Variants in NCOA4 observed in about 807,000 individuals in gnomAD.
NCOA4 encodes the protein nuclear receptor coactivator 4.
Under a neutral mutation model 69.5 loss-of-function variants are expected in NCOA4, and 31 were observed. That is an observed-to-expected ratio of 0.45 (90% CI 0.34 to 0.60). The LOEUF (loss-of-function observed/expected upper bound fraction) is 0.60, where lower values mean the gene tolerates loss of function less well. NCOA4 is among the 20% of genes least tolerant of loss of function. The pLI, the probability that NCOA4 is intolerant of heterozygous loss-of-function variation, is 0.02. For synonymous variants in NCOA4, 228 were observed against 252.4 expected (o/e 0.90, Z 0.92); for missense variants, 600 against 719.2 (o/e 0.83, Z 1.90).
At position 46,009,303 on chromosome 10, in the gene NCOA4, T is replaced by C. The variant is rs373314749; in HGVS notation, c.1839+108A>G. 17 of 1,478,734 alleles carry C rather than the reference T, an allele frequency of 1.1e-5. 1 individual carries two copies. The East Asian group carries it at 1.6e-4, about 14-fold the overall frequency. The allele number at this position is 1,478,734 out of a possible 1,614,324, so 91.6% of individuals were successfully genotyped here. A position where few individuals can be genotyped will look rare whatever the true frequency, so the allele number is the denominator to read the frequency against. ...CCTCACTTGCCTAATATACATACTA[T>C]TAAAAGGGATATGGTTCAGTGAGCC... On this transcript the variant is annotated intron_variant, in intron 9 of 9. Transcript: ENST00000581486.
intron 9 of NCOA4, among the ~76,000 whole-genome samples, chr10:46,007,162 A>G (rs1214241869): frequency 6.6e-6 from 1 of 152,226 alleles, no homozygotes; most frequent in African/African-American, 2.4e-5. Flanking sequence ...AAAAGCAAAC[A>G]GCCTTATTTC....
chr10:46,005,773 C>G lies in NCOA4; in HGVS notation c.*819G>C. On this transcript the variant is annotated 3_prime_UTR_variant, in exon 10 of 10. Coordinates refer to ENST00000581486, the MANE Select transcript of NCOA4 (RefSeq NM_001145263.2). ...ATTATCCCTATGATAGTGACTGTTTCAAGTACTATACTACATTTCCAACAT... is the reference window on the plus strand; with the variant it reads ...ATTATCCCTATGATAGTGACTGTTTGAAGTACTATACTACATTTCCAACAT... 4.7e-6 allele frequency: 1 copy of G among 213,202 alleles called. No individual in the cohort carries two copies. The highest frequency in any genetic ancestry group is 9.5e-6 in the Non-Finnish European group (1 of 105,164). The allele number at this position is 213,202 out of a possible 1,614,324, so 13.2% of individuals were successfully genotyped here.
In NCOA4 at chr10:46,009,669, C is replaced by G. The variant is rs1210534859; in HGVS notation, c.1699-118G>C. 1.3e-5 allele frequency: 12 copies of G among 957,420 alleles called. No individual in the cohort carries two copies. The Admixed American group carries it at 3.0e-4, about 24-fold the overall frequency. 59.3% of individuals were successfully genotyped at this position (957,420 alleles called of 1,614,324 possible). On this transcript the variant is annotated intron_variant, in intron 8 of 9. Transcript: ENST00000581486. The stretch of plus-strand genomic sequence containing the variant: ...AATGTTGGCCATTCTCTGTAACAAC[C>G]AAAAACAAAGGTGACAATTGTTATT...
intron 1 of NCOA4, among the ~76,000 whole-genome samples, chr10:46,022,091 T>C (rs141022146): frequency 5.2e-4 from 79 of 152,314 alleles, no homozygotes; most frequent in Non-Finnish European, 9.8e-4. Flanking sequence ...CCAGGCTTCA[T>C]TCGTCTGTAA....
At chr10:46,013,384 T>G (rs1477532557) in intron 6 of NCOA4, among the ~76,000 whole-genome samples, 166 bp downstream of exon 6, 1 of 152,212 alleles carries the variant, frequency 6.6e-6, no homozygotes, top group Admixed American at 6.5e-5. Flanking sequence ...GACATCTAAA[T>G]TTCTATTTGG....
At chr10:46,007,281 T>G (rs1838885796) in intron 9 of NCOA4, among the ~76,000 whole-genome samples, 1 of 152,200 alleles carries the variant, frequency 6.6e-6, no homozygotes, top group Non-Finnish European at 1.5e-5. Context: ...TTCAATTTTA[T>G]GAAGGCTGAG....
rs1838753069 is a variant in NCOA4, at chr10:46,005,356, T to C, written c.*1236A>G. 1 of 212,982 alleles carries C rather than the reference T, an allele frequency of 4.7e-6. No homozygotes were observed. The highest frequency in any genetic ancestry group is 2.3e-5 in the African/African-American group (1 of 44,202). The allele number at this position is 212,982 out of a possible 1,614,324, so 13.2% of individuals were successfully genotyped here. A position where few individuals can be genotyped will look rare whatever the true frequency, so the allele number is the denominator to read the frequency against. On this transcript the variant is annotated 3_prime_UTR_variant, in exon 10 of 10. Coordinates refer to ENST00000581486, the MANE Select transcript of NCOA4 (RefSeq NM_001145263.2). ...ATACAAAGCTCTTTTCAGCTGTGGT[T>C]CAAAGAACTCTAGTGAAGCTGTATG...
At chr10:46,017,599 G>T (rs1355580328) in intron 1 of NCOA4, among the ~76,000 whole-genome samples, 6 of 151,930 alleles carry the variant, frequency 3.9e-5, no homozygotes, top group African/African-American at 7.3e-5. Context: ...TATATAGAGA[G>T]AATATATGTA....
intron 1 of NCOA4, among the ~76,000 whole-genome samples, chr10:46,018,326 G>C (rs530983499): frequency 2.3e-4 from 35 of 152,252 alleles, no homozygotes; most frequent in Non-Finnish European, 4.6e-4. Flanking sequence ...GGGAGGGCAA[G>C]GAAGAGAATA....
chr10:46,022,054 T>C (rs1393993524), intron 1 of NCOA4, among the ~76,000 whole-genome samples: 1 of 152,204 alleles, frequency 6.6e-6, no homozygotes, highest in East Asian at 1.9e-4. Flanking sequence ...CAAATAGTTT[T>C]GATTCAACGT....
In NCOA4 at chr10:46,021,834, C is replaced by T. The variant is rs1174356249; in HGVS notation, c.-14-5140G>A. On this transcript the variant is annotated intron_variant, in intron 1 of 9. Transcript: ENST00000581486. Reference sequence around the variant, plus strand: ...ATTAGCCGGGCGTGGTGGCGCATGCCTGTAATTCCAGCTAATCGGGAGGCT... The same window carrying T: ...ATTAGCCGGGCGTGGTGGCGCATGCTTGTAATTCCAGCTAATCGGGAGGCT... 2.0e-5 allele frequency among the ~76,000 whole-genome samples: 3 copies of T among 152,154 alleles called. No homozygotes were observed. In the East Asian group the frequency reaches 5.8e-4, roughly 29 times the overall value.
intron 6 of NCOA4, 85 bp downstream of exon 6, chr10:46,013,465 T>C (rs1554922239): frequency 2.0e-6 from 2 of 975,648 alleles, no homozygotes. Context: ...TTACAAATAG[T>C]AGCATTTTTT....
At chr10:46,030,363 CG>C (rs1840395347) in intron 1 of NCOA4, among the ~76,000 whole-genome samples, 162 bp downstream of exon 1, 1 of 150,686 alleles carries the variant, frequency 6.6e-6, no homozygotes, top group Non-Finnish European at 1.5e-5. Flanking sequence ...CCGGGCCCGG[CG>C]GGCAGGCAGG....
chr10:46,016,828 G>A, intron 1 of NCOA4, 134 bp from the exon 2 acceptor site: 2 of 484,796 alleles, frequency 4.1e-6, no homozygotes, highest in Non-Finnish European at 6.6e-6. Context: ...ACCAAACCTA[G>A]CACATAAGAT....
intron 9 of NCOA4, among the ~76,000 whole-genome samples, chr10:46,008,549 C>T (rs782492608): frequency 6.6e-6 from 1 of 152,200 alleles, no homozygotes; most frequent in Non-Finnish European, 1.5e-5. Flanking sequence ...AACGGATGAG[C>T]AGTTGCTTCT....
chr10:46,020,842 C>A (rs1487866772), intron 1 of NCOA4, among the ~76,000 whole-genome samples: 2 of 152,280 alleles, frequency 1.3e-5, no homozygotes, highest in African/African-American at 4.8e-5. Flanking sequence ...TTTTTATCTT[C>A]ACCATTATAA....
chr10:46,006,304 G>C lies in NCOA4; in HGVS notation c.*288C>G. ...CCAATCTAAGGAGCCTTGGAGGCTT[G>C]TGAAAAAGACGTCCACAAAGATGCT... On this transcript the variant is annotated 3_prime_UTR_variant, in exon 10 of 10. Transcript: ENST00000581486. 1.3e-5 allele frequency: 6 copies of C among 471,152 alleles called. No individual in the cohort carries two copies. In the South Asian group the frequency reaches 1.7e-4, roughly 14 times the overall value. The allele number at this position is 471,152 out of a possible 1,614,324, so 29.2% of individuals were successfully genotyped here.
chr10:46,025,656 T>C (rs1840119858), intron 1 of NCOA4, among the ~76,000 whole-genome samples: 1 of 152,218 alleles, frequency 6.6e-6, no homozygotes, highest in Admixed American at 6.5e-5. Flanking sequence ...CCTACCTATC[T>C]GCTTTTCAAG....
intron 8 of NCOA4, among the ~76,000 whole-genome samples, chr10:46,010,003 A>C (rs1211391751): frequency 1.8e-4 from 27 of 152,074 alleles, no homozygotes; most frequent in Admixed American, 1.7e-3. Context: ...TCTACCAAAA[A>C]TACAAAAAAT....
Sources: gnomAD v4.1 joint callset for allele counts (sites outside exome capture counted in the v4.1 genomes callset) on GRCh38, gnomAD v4.1.1 for gene constraint, MANE v1.5 for transcripts, NCBI Gene and HGNC (gene_info 2026-07-23, HGNC 2026-07-21) for gene names.